MAST2: variants seen among roughly 807,000 people sequenced by gnomAD.
MAST2 encodes the protein microtubule associated serine/threonine kinase 2.
A neutral mutation model predicts 147.4 loss-of-function variants in MAST2; 70 were observed. The observed-to-expected ratio is 0.47, with a 90% CI of 0.39 to 0.58. MAST2 has a LOEUF of 0.58. Among genes scored for constraint, MAST2 ranks in the 20% least tolerant of loss-of-function variants. The pLI is 0.00. For missense variants in MAST2, 2,080 were observed against 2,302.3 expected, an observed-to-expected ratio of 0.90 and a Z score of 1.98; for synonymous variants, 869 against 896.8, an observed-to-expected ratio of 0.97 and a Z score of 0.55.
Position 45,981,556 on chromosome 1 carries a change from C to A in MAST2, c.593-16168C>A, listed in dbSNP as rs113731025. 1.5e-3 allele frequency among the ~76,000 whole-genome samples: 224 copies of A among 152,228 alleles called. 2 individuals carry two copies. The highest frequency in any genetic ancestry group is 5.3e-3 in the African/African-American group (219 of 41,540). The stretch of plus-strand genomic sequence containing the variant: ...CTTGTGGCCAATTTGTCAGTTTTAC[C>A]GAAGTGGTCTGGTCCCCAATCCTTC... On this transcript the variant is annotated intron_variant, in intron 5 of 28. Transcript: ENST00000361297.
chr1:45,840,656 C>T (rs909228837), intron 3 of MAST2, among the ~76,000 whole-genome samples: 1 of 152,168 alleles, frequency 6.6e-6, no homozygotes, highest in Non-Finnish European at 1.5e-5. Context: ...CAAAAGCTAC[C>T]TCCCTACATA....
intron 4 of MAST2, among the ~76,000 whole-genome samples, chr1:45,906,506 T>C (rs1650748225): frequency 6.7e-6 from 1 of 148,950 alleles, no homozygotes; most frequent in South Asian, 2.1e-4. Flanking sequence ...AAGGTGAAAA[T>C]GTTACAGTAA....
intron 6 of MAST2, chr1:46,000,944 A>G: frequency 7.8e-7 from 1 of 1,289,382 alleles, no homozygotes; most frequent in Non-Finnish European, 1.0e-6. Context: ...TATAATGTGT[A>G]TTTTTTTACT....
At chr1:45,842,351 C>A (rs1645303460) in intron 3 of MAST2, among the ~76,000 whole-genome samples, 1 of 152,096 alleles carries the variant, frequency 6.6e-6, no homozygotes, top group South Asian at 2.1e-4. Context: ...TTAAAGTGAA[C>A]AATTCAGTGG....
chr1:45,915,083 A>G (rs1652262790), intron 4 of MAST2, among the ~76,000 whole-genome samples: 1 of 152,104 alleles, frequency 6.6e-6, no homozygotes, highest in Non-Finnish European at 1.5e-5. Context: ...GGCATGCACC[A>G]CCAAGCCTGG....
chr1:45,865,395 A>T (rs1646112254), intron 3 of MAST2, among the ~76,000 whole-genome samples: 1 of 152,202 alleles, frequency 6.6e-6, no homozygotes, highest in Non-Finnish European at 1.5e-5. Context: ...TCAGACCTGT[A>T]TGGGATACAA....
chr1:45,910,513 A>G (rs997642604), intron 4 of MAST2, among the ~76,000 whole-genome samples: 1 of 152,196 alleles, frequency 6.6e-6, no homozygotes, highest in African/African-American at 2.4e-5. Flanking sequence ...CCATTTCTAG[A>G]CCTGCATATA....
At chr1:45,930,336 C>A (rs911727459) in intron 4 of MAST2, among the ~76,000 whole-genome samples, 2 of 152,128 alleles carry the variant, frequency 1.3e-5, no homozygotes, top group African/African-American at 4.8e-5. Context: ...GCCTTGGCCT[C>A]CCAAAGTGCT....
intron 5 of MAST2, among the ~76,000 whole-genome samples, chr1:45,962,220 G>C (rs537233773): frequency 1.2e-4 from 19 of 152,102 alleles, no homozygotes; most frequent in African/African-American, 4.6e-4. Context: ...GAGTCATGCC[G>C]CAATAAACAT....
At chr1:45,889,485 C>G (rs966393607) in intron 4 of MAST2, among the ~76,000 whole-genome samples, 1 of 152,112 alleles carries the variant, frequency 6.6e-6, no homozygotes, top group Non-Finnish European at 1.5e-5. Flanking sequence ...CTGCACCTGG[C>G]CTTTGGTGAA....
intron 3 of MAST2, among the ~76,000 whole-genome samples, chr1:45,853,930 A>C (rs1194757785): frequency 2.0e-5 from 3 of 152,182 alleles, no homozygotes. Context: ...TGTGAGTTGT[A>C]GGTTAAGCTT....
In MAST2 at chr1:45,900,173, C is replaced by CAAAAAAAAAAAAA. The variant is rs59051138; in HGVS notation, c.500+17788_500+17800dup. Among the ~76,000 whole-genome samples the CAAAAAAAAAAAAA allele has an allele frequency of 3.6e-3, 197 of 54,078 alleles. 20 individuals carry two copies. The highest frequency in any genetic ancestry group is 0.016 in the African/African-American group (179 of 11,366). 35.5% of individuals were successfully genotyped at this position (54,078 alleles called of 152,430 possible). ...CGACAGAGCGAGACTCTCTCTCTCT[C>CAAAAAAAAAAAAA]AAAAAAAAAAAAAAAAAAAAAAGAT... On this transcript the variant is annotated intron_variant, in intron 4 of 28. Transcript: ENST00000361297.
chr1:45,823,203 C>CT (rs774121918), intron 1 of MAST2, among the ~76,000 whole-genome samples: 91 of 136,136 alleles, frequency 6.7e-4, no homozygotes, highest in East Asian at 4.1e-3. Flanking sequence ...GAATTTTTTT[C>CT]TTTTTTTTTT....
chr1:45,847,386 A>G, intron 3 of MAST2: 2 of 521,708 alleles, frequency 3.8e-6, no homozygotes, highest in Admixed American at 4.8e-5. Context: ...GTTAGTTCAC[A>G]AGCATCTTTG....
At chr1:46,034,361 T>C (rs895909252) in intron 28 of MAST2, 95 bp downstream of exon 28, 1 of 1,407,324 alleles carries the variant, frequency 7.1e-7, no homozygotes, top group Non-Finnish European at 9.5e-7. Context: ...TCTGAGTCTC[T>C]CATTTAGCCC....
Position 46,030,258 on chromosome 1 carries a change from G to C in MAST2, c.2553+20G>C, listed in dbSNP as rs1486738226. 1 of 1,607,930 alleles carries C rather than the reference G, an allele frequency of 6.2e-7. No individual in the cohort carries two copies. On this transcript the variant is annotated intron_variant, in intron 21 of 28. Transcript: ENST00000361297. ...AACAAGGTGTGACTGAGGAGGCCCAGAATGGGCAGAACAGGCTGGAGGATC... is the reference window on the plus strand; with the variant it reads ...AACAAGGTGTGACTGAGGAGGCCCACAATGGGCAGAACAGGCTGGAGGATC...
chr1:45,911,830 G>A (rs1272461688), intron 4 of MAST2, among the ~76,000 whole-genome samples: 1 of 147,254 alleles, frequency 6.8e-6, no homozygotes, highest in Non-Finnish European at 1.5e-5. Context: ...GTTGGTTGCT[G>A]TTATGTCATT....
At chr1:46,026,549 GCTCA>G (rs1215234750) in intron 16 of MAST2, among the ~76,000 whole-genome samples, 1 of 152,150 alleles carries the variant, frequency 6.6e-6, no homozygotes, top group Non-Finnish European at 1.5e-5. Context: ...GGTTTAGAAA[GCTCA>G]CTCTGCCGGT....
rs1646549564 is a variant in MAST2, at chr1:46,029,503, C to T, written c.2256C>T (p.Pro752=). The stretch of plus-strand genomic sequence containing the variant: ...GGCCTGAGGGTGATGAGGCACTGCC[C>T]CCAGACGCCCAGGACCTCACCTCCA... ...IVWPEGDEAL[P]PDAQDLTSKL... Residue 752 remains proline (P), a synonymous_variant, in exon 19 of 29, where the codon CCC becomes CCT. Transcript: ENST00000361297. 7 of 1,614,112 alleles carry T rather than the reference C, an allele frequency of 4.3e-6. No individual in the cohort carries two copies. The highest frequency in any genetic ancestry group is 1.7e-4 in the Middle Eastern group (1 of 6,058).
Sources: allele counts gnomAD v4.1 joint callset (sites outside exome capture counted in the v4.1 genomes callset), GRCh38; gene constraint gnomAD v4.1.1; transcripts MANE v1.5; gene names NCBI Gene and HGNC (gene_info 2026-07-23, HGNC 2026-07-21).